The following CX3CL1 variants were observed in gnomAD, a reference collection of about 807,000 sequenced individuals.
The protein encoded by CX3CL1 is C-X3-C motif chemokine ligand 1.
CX3CL1 carries 1 observed loss-of-function variant against 14.1 expected under a neutral mutation model. The ratio of observed to expected loss-of-function variants is 0.07; its 90% CI spans 0.03 to 0.34. CX3CL1 has a LOEUF of 0.34. CX3CL1 is among the 10% of genes least tolerant of loss of function. CX3CL1 has a pLI of 0.99. For synonymous variants in CX3CL1, 255 were observed against 229.6 expected (o/e 1.11, Z -1.00); for missense variants, 505 against 536.4 (o/e 0.94, Z 0.58).
chr16:57,379,368 A>G lies in CX3CL1; in HGVS notation c.71-266A>G, dbSNP rs573348454. The G allele has an allele frequency of 7.6e-5, 36 of 471,758 alleles. No individual in the cohort carries two copies. In the East Asian group the frequency reaches 1.1e-3, roughly 15 times the overall value. 29.2% of individuals were successfully genotyped at this position (471,758 alleles called of 1,614,324 possible). On this transcript the variant is annotated intron_variant, in intron 1 of 2. Coordinates refer to ENST00000006053, the MANE Select transcript of CX3CL1 (RefSeq NM_002996.6). Reference sequence around the variant, plus strand: ...AACTCTTAATATGTGCCAGGCAAAAAGAACTCTATAAATAAGAATTCACGT... The same window carrying G: ...AACTCTTAATATGTGCCAGGCAAAAGGAACTCTATAAATAAGAATTCACGT...
At position 57,384,289 on chromosome 16, in the gene CX3CL1, C is replaced by T. The variant is rs981955216; in HGVS notation, c.*1257C>T. The T allele has an allele frequency of 6.6e-6, 1 of 152,392 alleles. No homozygotes were observed. The highest frequency in any genetic ancestry group is 1.5e-5 in the Non-Finnish European group (1 of 68,162). 9.4% of individuals were successfully genotyped at this position (152,392 alleles called of 1,614,324 possible). On this transcript the variant is annotated 3_prime_UTR_variant, in exon 3 of 3. Coordinates refer to ENST00000006053, the MANE Select transcript of CX3CL1 (RefSeq NM_002996.6). ...CCTTCTCCTTCACCTTTGTCCCCAC[C>T]GCAGACAGGACCAGGGATTTCCATG...
At chr16:57,375,524 C>A (rs1021495330) in intron 1 of CX3CL1, among the ~76,000 whole-genome samples, 21 of 152,202 alleles carry the variant, frequency 1.4e-4, no homozygotes, top group African/African-American at 5.1e-4. Flanking sequence ...TGTTGAGAAA[C>A]CTTGCCCTAA....
intron 1 of CX3CL1, among the ~76,000 whole-genome samples, chr16:57,373,222 G>T (rs893797915): frequency 6.6e-6 from 1 of 152,172 alleles, no homozygotes; most frequent in South Asian, 2.1e-4. Flanking sequence ...TACCCGTCAT[G>T]CTGTCTTCCT....
Position 57,379,641 on chromosome 16 carries a change from C to T in CX3CL1, c.78C>T (p.His26=), listed in dbSNP as rs1902291977. The T allele has an allele frequency of 1.2e-6, 2 of 1,614,194 alleles. No homozygotes were observed. The highest frequency in any genetic ancestry group is 2.7e-5 in the African/African-American group (2 of 75,042). ...CHLTVLLAGQ[H]HGVTKCNITC... ...GAACCTCTTTGAACTCAGGACAGCACCACGGTGTGACGAAATGCAACATCA... is the reference window on the plus strand; with the variant it reads ...GAACCTCTTTGAACTCAGGACAGCATCACGGTGTGACGAAATGCAACATCA... The change falls in exon 2 of 3, where the codon CAC becomes CAT. Residue 26 remains histidine (H), a synonymous_variant. Transcript: ENST00000006053.
chr16:57,375,138 TAAA>T (rs572966437), intron 1 of CX3CL1, among the ~76,000 whole-genome samples: 1 of 95,304 alleles, frequency 1.0e-5, no homozygotes, highest in Non-Finnish European at 2.6e-5. Flanking sequence ...AGAGTCCATT[TAAA>T]AAAAAAAAAA....
At chr16:57,373,479 A>G (rs1902206144) in intron 1 of CX3CL1, among the ~76,000 whole-genome samples, 1 of 152,214 alleles carries the variant, frequency 6.6e-6, no homozygotes, top group Admixed American at 6.5e-5. Flanking sequence ...CATCACCTCC[A>G]TGAACCGCTA....
chr16:57,372,674 G>T, intron 1 of CX3CL1, 36 bp downstream of exon 1: 1 of 1,606,728 alleles, frequency 6.2e-7, no homozygotes. Flanking sequence ...AACAGGGTAG[G>T]GAGCCCCCAG....
intron 1 of CX3CL1, chr16:57,378,715 C>G (rs1349259812): frequency 6.6e-6 from 1 of 152,146 alleles, no homozygotes; most frequent in South Asian, 2.1e-4. Flanking sequence ...CTATCTGTCT[C>G]GGCCTCCCAA....
At chr16:57,380,738 C>T (rs538518587) in intron 2 of CX3CL1, among the ~76,000 whole-genome samples, 1 of 152,080 alleles carries the variant, frequency 6.6e-6, no homozygotes, top group Non-Finnish European at 1.5e-5. Flanking sequence ...GTCACTTGCT[C>T]CTCCTGGGGG....
intron 2 of CX3CL1, 100 bp from the exon 3 acceptor site, chr16:57,381,930 T>G: frequency 7.7e-7 from 1 of 1,300,142 alleles, no homozygotes; most frequent in Non-Finnish European, 1.0e-6. Context: ...TCCAGCCGGG[T>G]GTGTTCACCT....
chr16:57,381,726 C>A (rs1167107160), intron 2 of CX3CL1, among the ~76,000 whole-genome samples: 1 of 152,170 alleles, frequency 6.6e-6, no homozygotes, highest in Non-Finnish European at 1.5e-5. Flanking sequence ...TGCCTGGGGA[C>A]TTCCCCAGTT....
intron 1 of CX3CL1, among the ~76,000 whole-genome samples, chr16:57,373,920 C>A (rs550009252): frequency 1.3e-5 from 2 of 151,746 alleles, no homozygotes; most frequent in East Asian, 3.9e-4. Context: ...TTGAAGAGGG[C>A]GGAGGAGGAG....
At chr16:57,380,955 T>G (rs2146513835) in intron 2 of CX3CL1, among the ~76,000 whole-genome samples, 1 of 152,298 alleles carries the variant, frequency 6.6e-6, no homozygotes, top group South Asian at 2.1e-4. Context: ...CTGAGTGTGC[T>G]CCTGCCGGAC....
chr16:57,382,410 T>C lies in CX3CL1; in HGVS notation c.572T>C (p.Val191Ala). 1 of 1,612,358 alleles carries C rather than the reference T, an allele frequency of 6.2e-7. No homozygotes were observed. Residue 191 changes from valine (V) to alanine (A), a missense_variant, in exon 3 of 3, where the codon GTC (valine) becomes GCC (alanine). Val to Ala is a moderately conservative substitution (Grantham distance 64). Transcript: ENST00000006053. This position sits in a 1 kb window ranked among gnomAD's most constrained non-coding sequence, Gnocchi z 6.9. Reference protein sequence around the residue: ...VGTELFRVPPVSTAATWQSSA... With the variant: ...VGTELFRVPPASTAATWQSSA... ...ACGGAGCTTTTCCGAGTGCCTCCCG[T>C]CTCCACTGCCGCCACGTGGCAGAGT...
At position 57,383,341 on chromosome 16, in the gene CX3CL1, A is replaced by C; in HGVS notation, c.*309A>C. On this transcript the variant is annotated 3_prime_UTR_variant, in exon 3 of 3. Coordinates refer to ENST00000006053, the MANE Select transcript of CX3CL1 (RefSeq NM_002996.6). ...GCCCCAATGAACAATTATTTATTAA[A>C]TGCCCAGCCCCTTCTGACCCATGCT... 1 of 254,062 alleles carries C rather than the reference A, an allele frequency of 3.9e-6. No homozygotes were observed. The highest frequency in any genetic ancestry group is 7.5e-6 in the Non-Finnish European group (1 of 133,938). 15.7% of individuals were successfully genotyped at this position (254,062 alleles called of 1,614,324 possible).
rs748741239 is a variant in CX3CL1 at position 57,382,524 on chromosome 16, C to T, written c.686C>T (p.Ser229Phe). 1.9e-6 allele frequency: 3 copies of T among 1,613,624 alleles called. No homozygotes were observed. The highest frequency in any genetic ancestry group is 2.5e-6 in the Non-Finnish European group (3 of 1,179,938). Residue 229 changes from serine to phenylalanine, a missense_variant, in exon 3 of 3, where the codon TCC becomes TTC. Ser to Phe is a radical substitution (Grantham distance 155). Coordinates refer to ENST00000006053, the MANE Select transcript of CX3CL1 (RefSeq NM_002996.6). The surrounding 1 kb of genome is among the most constrained non-coding windows in gnomAD (Gnocchi z 6.9). ...PSTQDPSTQA[S>F]TASSPAPEEN... ...ACCCAGGACCCCTCCACCCAGGCCT[C>T]CACTGCGTCCTCCCCAGCCCCAGAG...
chr16:57,378,618 C>T (rs568632381), intron 1 of CX3CL1: 2 of 152,164 alleles, frequency 1.3e-5, no homozygotes, highest in East Asian at 1.9e-4. Flanking sequence ...TGCACACCAT[C>T]ATGCCAGGCT....
chr16:57,372,659 G>A (rs76505297), intron 1 of CX3CL1, 21 bp downstream of exon 1: 1 of 1,612,454 alleles, frequency 6.2e-7, no homozygotes, highest in South Asian at 1.1e-5. Context: ...CTTGACTTGG[G>A]CACAAACAGG....
chr16:57,380,236 T>C (rs1390294219), intron 2 of CX3CL1, among the ~76,000 whole-genome samples: 1 of 152,160 alleles, frequency 6.6e-6, no homozygotes, highest in Non-Finnish European at 1.5e-5. Flanking sequence ...TCCTTGTCTG[T>C]AAAATGGGTA....
Sources: gnomAD v4.1 joint callset for allele counts (sites outside exome capture counted in the v4.1 genomes callset) on GRCh38, gnomAD v4.1.1 for gene constraint, Gnocchi (gnomAD v3.1) non-coding constraint, MANE v1.5 for transcripts, NCBI Gene and HGNC (gene_info 2026-07-23, HGNC 2026-07-21) for gene names.